Variants in VAPA observed in about 807,000 individuals in gnomAD.
The protein encoded by VAPA is VAMP associated protein A, also known as vesicle-associated membrane protein-associated protein A.
A neutral mutation model predicts 25.6 loss-of-function variants in VAPA; 6 were observed. The ratio of observed to expected loss-of-function variants is 0.23; its 90% CI spans 0.13 to 0.46. The LOEUF is 0.46. Ranked by LOEUF, VAPA falls within the 20% of genes least tolerant of loss-of-function variation. The pLI, the probability that VAPA is intolerant of heterozygous loss-of-function variation, is 0.99. For synonymous variants in VAPA, 112 were observed against 106.2 expected (o/e 1.05, Z -0.34); for missense variants, 244 against 302.1 (o/e 0.81, Z 1.43).
intron 1 of VAPA, among the ~76,000 whole-genome samples, chr18:9,923,086 C>G (rs1389451399): frequency 6.6e-6 from 1 of 152,112 alleles, no homozygotes; most frequent in South Asian, 2.1e-4. Flanking sequence ...TAAAAGAAAC[C>G]TCCGTATCAT....
rs891931966 is a variant in VAPA, at chr18:9,956,958, A to G, written c.*2747A>G. On this transcript the variant is annotated 3_prime_UTR_variant, in exon 6 of 6. Coordinates refer to ENST00000400000, the MANE Select transcript of VAPA (RefSeq NM_194434.3). The stretch of plus-strand genomic sequence containing the variant: ...AGTCATTATGTTCTGAGTGTGTGGT[A>G]TGTTCCCTTAAAAAAAAATGACACT... 3 of 152,086 alleles carry G rather than the reference A, an allele frequency of 2.0e-5. No homozygotes were observed. Among genetic ancestry groups the G allele is most frequent in the Non-Finnish European group, 4.4e-5 (3 of 68,018 alleles). 9.4% of individuals were successfully genotyped at this position (152,086 alleles called of 1,614,324 possible). A position where few individuals can be genotyped will look rare whatever the true frequency, so the allele number is the denominator to read the frequency against.
Position 9,956,199 on chromosome 18 carries a change from CAGGT to C in VAPA, c.*1995_*1998del, listed in dbSNP as rs1484852630. The C allele has an allele frequency of 1.3e-5, 2 of 152,168 alleles. No individual in the cohort carries two copies. The highest frequency in any genetic ancestry group is 3.9e-4 in the East Asian group (2 of 5,194). The allele number at this position is 152,168 out of a possible 1,614,324, so 9.4% of individuals were successfully genotyped here. A position where few individuals can be genotyped will look rare whatever the true frequency, so the allele number is the denominator to read the frequency against. On this transcript the variant is annotated 3_prime_UTR_variant, in exon 6 of 6. Coordinates refer to ENST00000400000, the MANE Select transcript of VAPA (RefSeq NM_194434.3). ...TTAAGAGAACTTTCCCCGTGTCTCA[CAGGT>C]AGGTAGAGGCAGAGCTGGAACTAGA...
intron 1 of VAPA, among the ~76,000 whole-genome samples, chr18:9,918,214 A>G (rs994780141): frequency 6.6e-6 from 1 of 152,162 alleles, no homozygotes; most frequent in Non-Finnish European, 1.5e-5. Context: ...CTGGTTTTCA[A>G]TCACTGGCTG....
At chr18:9,914,430 C>G (rs1004742488) in intron 1 of VAPA, 95 bp downstream of exon 1, 93 of 1,111,016 alleles carry the variant, frequency 8.4e-5, no homozygotes, top group Non-Finnish European at 1.1e-4. Flanking sequence ...GGCCCTGGCC[C>G]GAGGGAGCGC....
At chr18:9,946,968 A>G (rs2069431237) in intron 4 of VAPA, among the ~76,000 whole-genome samples, 1 of 152,092 alleles carries the variant, frequency 6.6e-6, no homozygotes, top group Non-Finnish European at 1.5e-5. Context: ...TTCTTTTCTT[A>G]AGACTAAGAC....
At position 9,948,335 on chromosome 18, in the gene VAPA, A is replaced by G. The variant is rs2069448328; in HGVS notation, c.418-2060A>G. On this transcript the variant is annotated intron_variant, in intron 4 of 5. Coordinates refer to ENST00000400000, the MANE Select transcript of VAPA (RefSeq NM_194434.3). ...GAAAGCTGCCCATCAAATGCTTAAC[A>G]AAAGTGAAATGTTTAATTTTGGCAA... 4 of 152,318 alleles carry G rather than the reference A, an allele frequency of 2.6e-5. No homozygotes were observed. The South Asian group carries it at 8.3e-4, about 32-fold the overall frequency. The allele number at this position is 152,318 out of a possible 1,614,324, so 9.4% of individuals were successfully genotyped here. A position where few individuals can be genotyped will look rare whatever the true frequency, so the allele number is the denominator to read the frequency against.
rs374580290 is a variant in VAPA at position 9,923,126 on chromosome 18, C to T, written c.80-8684C>T. ...GCTGACTTATGCATCATTAATATACCATAGCATGCTTAGCTGCTTTTCTCT... is the reference window on the plus strand; with the variant it reads ...GCTGACTTATGCATCATTAATATACTATAGCATGCTTAGCTGCTTTTCTCT... On this transcript the variant is annotated intron_variant, in intron 1 of 5. Coordinates refer to ENST00000400000, the MANE Select transcript of VAPA (RefSeq NM_194434.3). Among the ~76,000 whole-genome samples the T allele has an allele frequency of 6.6e-5, 10 of 152,154 alleles. No individual in the cohort carries two copies. The South Asian group carries it at 1.5e-3, about 22-fold the overall frequency.
At chr18:9,947,973 T>C (rs1049624573) in intron 4 of VAPA, 2 of 152,222 alleles carry the variant, frequency 1.3e-5, no homozygotes, top group African/African-American at 2.4e-5. Flanking sequence ...CTGTTATGTA[T>C]GTTCACTGGT....
intron 2 of VAPA, 25 bp downstream of exon 2, chr18:9,931,987 T>G (rs2069260164): frequency 6.6e-7 from 1 of 1,514,314 alleles, no homozygotes; most frequent in Non-Finnish European, 9.0e-7. Context: ...TCTGAATTTA[T>G]GTACATTTGA....
intron 1 of VAPA, among the ~76,000 whole-genome samples, chr18:9,928,454 G>A (rs1445188756): frequency 6.6e-6 from 1 of 152,044 alleles, no homozygotes; most frequent in Non-Finnish European, 1.5e-5. Flanking sequence ...TCCACTGCAG[G>A]ATTAACCATT....
intron 4 of VAPA, among the ~76,000 whole-genome samples, chr18:9,946,456 A>G (rs1433057420): frequency 6.1e-5 from 9 of 147,794 alleles, no homozygotes; most frequent in Non-Finnish European, 9.0e-5. Flanking sequence ...TTAAAACACT[A>G]TGAGTTTTTT....
Position 9,937,041 on chromosome 18 carries a change from A to C in VAPA, c.392A>C (p.Glu131Ala). The change falls in exon 4 of 6, where the codon GAA (glutamate) becomes GCA (alanine). Residue 131 changes from glutamate to alanine, a missense_variant. This residue lies in a region of VAPA where 145 missense variants were observed against 140.6 expected (regional missense o/e 1.03). Transcript: ENST00000400000. ...LMDSKLRCVF[E>A]MPNENDKLND... is the part of the protein sequence containing the mutation. ...GATTCCAAATTGAGATGCGTATTTG[A>C]AATGCCCAATGAAAATGATAAATTG... The C allele has an allele frequency of 6.2e-7, 1 of 1,614,030 alleles. No individual in the cohort carries two copies. The highest frequency in any genetic ancestry group is 8.5e-7 in the Non-Finnish European group (1 of 1,179,958).
chr18:9,921,551 C>T (rs1287456347), intron 1 of VAPA, among the ~76,000 whole-genome samples: 1 of 152,078 alleles, frequency 6.6e-6, no homozygotes, highest in African/African-American at 2.4e-5. Context: ...TTATGGGATA[C>T]ATATAGATAG....
Position 9,955,500 on chromosome 18 carries a change from GT to G in VAPA, c.*1292del, listed in dbSNP as rs1227052999. Reference sequence around the variant, plus strand: ...TTTGGAATCAGAAAATAGATCCAGTGTTTAGCTACATACAATCTAGTACAAG... The same window carrying G: ...TTTGGAATCAGAAAATAGATCCAGTGTTAGCTACATACAATCTAGTACAAG... On this transcript the variant is annotated 3_prime_UTR_variant, in exon 6 of 6. Coordinates refer to ENST00000400000, the MANE Select transcript of VAPA (RefSeq NM_194434.3). The G allele has an allele frequency of 1.3e-5, 2 of 152,156 alleles. No homozygotes were observed. The highest frequency in any genetic ancestry group is 1.5e-5 in the Non-Finnish European group (1 of 68,022). 9.4% of individuals were successfully genotyped at this position (152,156 alleles called of 1,614,324 possible).
At chr18:9,942,326 G>C (rs1361931356) in intron 4 of VAPA, among the ~76,000 whole-genome samples, 1 of 152,118 alleles carries the variant, frequency 6.6e-6, no homozygotes, top group Admixed American at 6.5e-5. Context: ...AGTCAACTTA[G>C]AAAAATTTGG....
rs1209582486 is a variant in VAPA at position 9,955,388 on chromosome 18, T to G, written c.*1177T>G. ...AATGTTAACCATGTGAAACACATTT[T>G]CAGTATAAGTATGCGTTACAGGGTT... is the stretch of plus-strand genomic sequence containing the variant. On this transcript the variant is annotated 3_prime_UTR_variant, in exon 6 of 6. Transcript: ENST00000400000. The G allele has an allele frequency of 6.6e-6, 1 of 152,248 alleles. No individual in the cohort carries two copies. Among genetic ancestry groups the G allele is most frequent in the African/African-American group, 2.4e-5 (1 of 41,470 alleles). 9.4% of individuals were successfully genotyped at this position (152,248 alleles called of 1,614,324 possible).
At chr18:9,940,126 C>G (rs1239842470) in intron 4 of VAPA, among the ~76,000 whole-genome samples, 1 of 152,214 alleles carries the variant, frequency 6.6e-6, no homozygotes, top group Admixed American at 6.5e-5. Context: ...TACAGTTGAT[C>G]TTCCACCTTC....
rs756590207 is a variant in VAPA, at chr18:9,950,525, A to G, written c.548A>G (p.Gln183Arg). ...CTAATGGAAGAGTGTAAAAGACTTCAGGGAGAAATGATGAAGCTATCAGAA... is the reference window on the plus strand; with the variant it reads ...CTAATGGAAGAGTGTAAAAGACTTCGGGGAGAAATGATGAAGCTATCAGAA... ...RKLMEECKRLQGEMMKLSEEN... is the reference protein window; with the variant it reads ...RKLMEECKRLRGEMMKLSEEN... The change falls in exon 5 of 6, where the codon CAG becomes CGG. Residue 183 changes from glutamine (Q) to arginine (R), a missense_variant. Gln to Arg is a conservative substitution (Grantham distance 43, BLOSUM62 1). Around this residue, in one of 2 missense-constraint regions of VAPA, gnomAD observed 145 missense variants for 140.6 expected, o/e 1.03. Coordinates refer to ENST00000400000, the MANE Select transcript of VAPA (RefSeq NM_194434.3). 6.2e-7 allele frequency: 1 copy of G among 1,613,168 alleles called. No individual in the cohort carries two copies. Among genetic ancestry groups the G allele is most frequent in the Non-Finnish European group, 8.5e-7 (1 of 1,179,812 alleles).
In VAPA at chr18:9,959,086, A is replaced by C. The variant is rs984685551; in HGVS notation, c.*4875A>C. The stretch of plus-strand genomic sequence containing the variant: ...TTATCTCCATCCTATGGAATAGGGG[A>C]GACGGGTTTAGACAGGTTCAATTAG... On this transcript the variant is annotated 3_prime_UTR_variant, in exon 6 of 6. Transcript: ENST00000400000. 1 of 152,146 alleles carries C rather than the reference A, an allele frequency of 6.6e-6. No homozygotes were observed. Among genetic ancestry groups the C allele is most frequent in the African/African-American group, 2.4e-5 (1 of 41,414 alleles). The allele number at this position is 152,146 out of a possible 1,614,324, so 9.4% of individuals were successfully genotyped here. A position where few individuals can be genotyped will look rare whatever the true frequency, so the allele number is the denominator to read the frequency against.
Sources: gnomAD v4.1 joint callset for allele counts (sites outside exome capture counted in the v4.1 genomes callset) on GRCh38, gnomAD v4.1.1 for gene constraint, gnomAD v4.1.1 regional missense constraint, MANE v1.5 for transcripts, NCBI Gene and HGNC (gene_info 2026-07-23, HGNC 2026-07-21) for gene names.